Variants in DNAH6 observed in about 807,000 individuals in gnomAD.
The protein encoded by DNAH6 is axonemal beta dynein heavy chain 6.
In DNAH6, 340 loss-of-function variants were observed where a neutral mutation model predicts 491.4. The ratio of observed to expected loss-of-function variants is 0.69; its 90% CI spans 0.63 to 0.76. The LOEUF is 0.76. DNAH6 is among the 30% of genes least tolerant of loss of function. The pLI, the probability that DNAH6 is intolerant of heterozygous loss-of-function variation, is 0.00. For synonymous variants in DNAH6, 1,603 were observed against 1,686.1 expected, an observed-to-expected ratio of 0.95 and a Z score of 1.21; for missense variants, 4,443 against 4,972.2, an observed-to-expected ratio of 0.89 and a Z score of 3.20.
At chr2:84,461,456 C>G in the DNAH6 span, among the ~76,000 whole-genome samples, 2 of 152,194 alleles carry the variant, frequency 1.3e-5, no homozygotes, top group East Asian at 3.9e-4. Flanking sequence ...GACAACCACA[C>G]TAGTCAATAC....
the DNAH6 span, among the ~76,000 whole-genome samples, chr2:84,461,102 A>G: frequency 1.3e-5 from 2 of 152,212 alleles, no homozygotes; most frequent in African/African-American, 4.8e-5. Flanking sequence ...CCCAGCACCT[A>G]AACCCATGTA....
chr2:84,778,196 G>T, intron 64 of DNAH6: 2 of 693,610 alleles, frequency 2.9e-6, no homozygotes, highest in South Asian at 1.6e-5. Context: ...AGAAGATTAT[G>T]AATCAGCTGA....
intron 49 of DNAH6, among the ~76,000 whole-genome samples, chr2:84,701,768 C>G (rs1312936334): frequency 6.6e-6 from 1 of 152,116 alleles, no homozygotes; most frequent in Non-Finnish European, 1.5e-5. Flanking sequence ...TCCCCATGAT[C>G]CAATTACCTC....
chr2:84,712,386 C>T (rs74474511), intron 56 of DNAH6, among the ~76,000 whole-genome samples: 1 of 152,222 alleles, frequency 6.6e-6, no homozygotes, highest in African/African-American at 2.4e-5. Context: ...ACCCCCATCA[C>T]ATACGTCCTG....
intron 11 of DNAH6, among the ~76,000 whole-genome samples, chr2:84,563,345 C>T (rs1680858113): frequency 6.6e-6 from 1 of 152,292 alleles, no homozygotes; most frequent in South Asian, 2.1e-4. Flanking sequence ...TACATTCCCA[C>T]TAATTGTGTA....
chr2:84,572,973 A>G (rs1032937429), intron 11 of DNAH6, among the ~76,000 whole-genome samples: 1 of 152,314 alleles, frequency 6.6e-6, no homozygotes, highest in Non-Finnish European at 1.5e-5. Flanking sequence ...GGTGAAGAAA[A>G]AGTTTTTATT....
intron 15 of DNAH6, among the ~76,000 whole-genome samples, chr2:84,585,530 G>A (rs1243629888): frequency 6.6e-6 from 1 of 152,152 alleles, no homozygotes; most frequent in African/African-American, 2.4e-5. Flanking sequence ...TCTCAGCAGA[G>A]AGGAGGCCCT....
chr2:84,507,504 A>G, the DNAH6 span, among the ~76,000 whole-genome samples: 3 of 152,192 alleles, frequency 2.0e-5, no homozygotes, highest in Non-Finnish European at 2.9e-5. Context: ...CAGTCATGTC[A>G]TCTGCAAACA....
intron 20 of DNAH6, among the ~76,000 whole-genome samples, chr2:84,606,610 A>G (rs1214321385): frequency 1.3e-5 from 2 of 152,190 alleles, no homozygotes; most frequent in Non-Finnish European, 2.9e-5. Context: ...TTTTGCCAGT[A>G]TATGATATTT....
intron 15 of DNAH6, 148 bp downstream of exon 15, chr2:84,584,398 TAATC>T (rs1683335113): frequency 1.2e-6 from 1 of 810,846 alleles, no homozygotes; most frequent in South Asian, 1.9e-5. Context: ...GTGAAATTGT[TAATC>T]AAGCTAATTA....
upstream of DNAH6, among the ~76,000 whole-genome samples, chr2:84,516,143 A>C (rs1019121535): frequency 9.2e-5 from 14 of 152,202 alleles, no homozygotes; most frequent in African/African-American, 3.4e-4. Context: ...AGTGAACGTC[A>C]AGTCAGTCTT....
chr2:84,785,943 C>G (rs1454494655), intron 67 of DNAH6, among the ~76,000 whole-genome samples, 187 bp downstream of exon 67: 3 of 152,272 alleles, frequency 2.0e-5, no homozygotes, highest in Non-Finnish European at 4.4e-5. Context: ...AGCTTCAGCT[C>G]TCACCTCTCG....
intron 4 of DNAH6, among the ~76,000 whole-genome samples, chr2:84,534,062 A>T (rs950973924): frequency 6.6e-6 from 1 of 151,986 alleles, no homozygotes; most frequent in African/African-American, 2.4e-5. Context: ...ATTATGACAT[A>T]TTTATTATTT....
intron 40 of DNAH6, among the ~76,000 whole-genome samples, chr2:84,673,829 TA>T (rs1238594245): frequency 3.3e-5 from 5 of 150,940 alleles, no homozygotes; most frequent in African/African-American, 1.2e-4. Flanking sequence ...AAGGGTTGGT[TA>T]AGGGTGATTC....
chr2:84,544,216 T>C lies in DNAH6; in HGVS notation c.663-17T>C. 11 of 1,311,134 alleles carry C rather than the reference T, an allele frequency of 8.4e-6. No homozygotes were observed. Among genetic ancestry groups the C allele is most frequent in the Non-Finnish European group, 1.0e-5 (10 of 969,314 alleles). 81.2% of individuals were successfully genotyped at this position (1,311,134 alleles called of 1,614,324 possible). On this transcript the variant is annotated splice_polypyrimidine_tract_variant and intron_variant, in intron 4 of 76. Transcript: ENST00000389394. ...TGAATACTTTATTTATTAGTCCCAA[T>C]TTTTATTTGTTTATAGAGTTGTAAG...
chr2:84,625,336 G>A (rs1303224869), intron 29 of DNAH6, among the ~76,000 whole-genome samples: 5 of 152,112 alleles, frequency 3.3e-5, no homozygotes, highest in African/African-American at 9.7e-5. Flanking sequence ...AGAAAGAAAC[G>A]AGATGAGGTA....
intron 21 of DNAH6, among the ~76,000 whole-genome samples, chr2:84,607,533 C>T (rs1412177537): frequency 3.3e-5 from 5 of 152,120 alleles, no homozygotes; most frequent in African/African-American, 1.2e-4. Flanking sequence ...CTATTGGATA[C>T]TATGCTCACT....
intron 38 of DNAH6, 150 bp from the exon 39 acceptor site, chr2:84,670,178 T>C (rs1045479680): frequency 1.5e-5 from 9 of 583,028 alleles, no homozygotes; most frequent in Non-Finnish European, 2.7e-5. Context: ...TATAACTAAA[T>C]GGAATCTCCA....
Position 84,616,997 on chromosome 2 carries a change from C to T in DNAH6, c.3572+15C>T. The T allele has an allele frequency of 7.3e-7, 1 of 1,378,836 alleles. No individual in the cohort carries two copies. The highest frequency in any genetic ancestry group is 9.8e-7 in the Non-Finnish European group (1 of 1,023,628). 85.4% of individuals were successfully genotyped at this position (1,378,836 alleles called of 1,614,324 possible). ...ATCTTTCCAAGGTAAGTTTATAAAG[C>T]AACCTAAGATATTTTTTAGTAGTTA... is the stretch of plus-strand genomic sequence containing the variant. On this transcript the variant is annotated intron_variant, in intron 23 of 76. Coordinates refer to ENST00000389394, the MANE Select transcript of DNAH6 (RefSeq NM_001370.2).
Sources: gnomAD v4.1 joint callset for allele counts (sites outside exome capture counted in the v4.1 genomes callset) on GRCh38, gnomAD v4.1.1 for gene constraint, MANE v1.5 for transcripts, NCBI Gene and HGNC (gene_info 2026-07-23, HGNC 2026-07-21) for gene names.